Variants in C5AR1 observed in about 807,000 individuals in gnomAD.
C5AR1 encodes complement C5a receptor 1, also known as C5a anaphylatoxin chemotactic receptor 1.
A neutral mutation model predicts 2.4 loss-of-function variants in C5AR1; 4 were observed. The observed-to-expected ratio is 1.65, with a 90% CI of 0.81 to 3.77. The LOEUF (loss-of-function observed/expected upper bound fraction) is 3.77. Ranked by LOEUF, C5AR1 falls within the 30% of genes most tolerant of loss-of-function variation. The pLI is 0.01. For missense variants in C5AR1, 418 were observed against 462.5 expected (o/e 0.90, Z 0.88); for synonymous variants, 209 against 210.4 (o/e 0.99, Z 0.06).
In C5AR1 at chr19:47,314,450, T is replaced by C. The variant is rs557043416; in HGVS notation, c.3+4552T>C. On this transcript the variant is annotated intron_variant, in intron 1 of 1. Coordinates refer to ENST00000355085, the MANE Select transcript of C5AR1 (RefSeq NM_001736.4). ...TTTGCTCTTGTTGCCCAGGCTGGAG[T>C]ATAGTGAAGCGATCTCGGCTCACTG... Among the ~76,000 whole-genome samples, 144 of 152,274 alleles carry C rather than the reference T, an allele frequency of 9.5e-4. 1 individual carries two copies. The highest frequency in any genetic ancestry group is 1.4e-3 in the Non-Finnish European group (94 of 68,022).
upstream of C5AR1, chr19:47,309,842 C>T: frequency 1.2e-6 from 2 of 1,602,618 alleles, no homozygotes; most frequent in Non-Finnish European, 1.7e-6. Flanking sequence ...TTAAAAACCA[C>T]AGCCCTTGGG....
chr19:47,312,056 G>A (rs1372287028), intron 1 of C5AR1, among the ~76,000 whole-genome samples: 3 of 152,108 alleles, frequency 2.0e-5, no homozygotes, highest in East Asian at 1.9e-4. Flanking sequence ...AAATAGTTGC[G>A]GAGATCTGTC....
At chr19:47,316,103 T>C (rs1394595894) in intron 1 of C5AR1, among the ~76,000 whole-genome samples, 2 of 151,976 alleles carry the variant, frequency 1.3e-5, no homozygotes, top group Admixed American at 6.6e-5. Context: ...CCTCCCAGGT[T>C]CAAGCGATTC....
rs2059303519 is a variant in C5AR1 at position 47,320,055 on chromosome 19, T to G, written c.278T>G (p.Phe93Cys). The G allele has an allele frequency of 6.2e-7, 1 of 1,614,076 alleles. No homozygotes were observed. Among genetic ancestry groups the G allele is most frequent in the Admixed American group, 1.7e-5 (1 of 60,006 alleles). ...FLSCLALPILFTSIVQHHHWP... is the reference protein window; with the variant it reads ...FLSCLALPILCTSIVQHHHWP... ...TCCTGCCTGGCGCTGCCCATCTTGT[T>G]CACGTCCATTGTACAGCATCACCAC... The change falls in exon 2 of 2, where the codon TTC becomes TGC. Residue 93 changes from phenylalanine to cysteine, a missense_variant. Transcript: ENST00000355085. The surrounding 1 kb of genome is among the most constrained non-coding windows in gnomAD (Gnocchi z 4.9).
At chr19:47,313,744 TAAAA>T (rs556770085) in intron 1 of C5AR1, among the ~76,000 whole-genome samples, 1 of 137,956 alleles carries the variant, frequency 7.2e-6, no homozygotes, top group Non-Finnish European at 1.6e-5. Flanking sequence ...TTCCGTCTCA[TAAAA>T]AAAAAAAAGA....
intron 1 of C5AR1, among the ~76,000 whole-genome samples, chr19:47,312,737 C>T (rs932165201): frequency 1.3e-5 from 2 of 151,916 alleles, no homozygotes; most frequent in African/African-American, 2.4e-5. Flanking sequence ...CCTCCTCCTC[C>T]TCCTTTTTTT....
chr19:47,318,062 A>G (rs1311851480), intron 1 of C5AR1, among the ~76,000 whole-genome samples: 1 of 151,568 alleles, frequency 6.6e-6, no homozygotes. Flanking sequence ...TATTTCCAGA[A>G]TGATTTCTAT....
intron 1 of C5AR1, among the ~76,000 whole-genome samples, chr19:47,318,314 G>T (rs1428486812): frequency 2.7e-5 from 4 of 149,504 alleles, no homozygotes; most frequent in African/African-American, 9.9e-5. Context: ...TTTTTTTTGA[G>T]GTGGAGTCTC....
In C5AR1 at chr19:47,320,444, A is replaced by G; in HGVS notation, c.667A>G (p.Thr223Ala). 1.2e-6 allele frequency: 2 copies of G among 1,611,798 alleles called. No individual in the cohort carries two copies. The highest frequency in any genetic ancestry group is 1.7e-6 in the Non-Finnish European group (2 of 1,179,910). Residue 223 changes from threonine to alanine, a missense_variant, in exon 2 of 2, where the codon ACT (threonine) becomes GCT (alanine). Transcript: ENST00000355085. The surrounding 1 kb of genome is among the most constrained non-coding windows in gnomAD (Gnocchi z 4.9). ...WPLLTLTICYTFILLRTWSRR... is the reference protein window; with the variant it reads ...WPLLTLTICYAFILLRTWSRR... ...TCTACTCACGCTCACGATTTGTTAC[A>G]CTTTCATCCTGCTCCGGACGTGGAG...
chr19:47,318,587 C>T (rs1344113103), intron 1 of C5AR1, among the ~76,000 whole-genome samples: 1 of 152,138 alleles, frequency 6.6e-6, no homozygotes, highest in East Asian at 1.9e-4. Context: ...CACCACCACA[C>T]CTGGCCTGAA....
chr19:47,316,816 C>T (rs1481361584), intron 1 of C5AR1, among the ~76,000 whole-genome samples: 2 of 151,704 alleles, frequency 1.3e-5, no homozygotes, highest in African/African-American at 4.8e-5. Context: ...ATGATTCCAC[C>T]AGTAAATGCC....
At chr19:47,315,888 T>C (rs1003209554) in intron 1 of C5AR1, among the ~76,000 whole-genome samples, 11 of 152,102 alleles carry the variant, frequency 7.2e-5, no homozygotes, top group African/African-American at 2.7e-4. Flanking sequence ...CTCATATACA[T>C]ATACATTTTA....
Position 47,320,585 on chromosome 19 carries a change from C to G in C5AR1, c.808C>G (p.Pro270Ala). The stretch of plus-strand genomic sequence containing the variant: ...GGGGATAATGATGTCCTTCCTGGAG[C>G]CATCGTCACCCACCTTCCTGCTGCT... ...VTGIMMSFLEPSSPTFLLLKK... is the reference protein window; with the variant it reads ...VTGIMMSFLEASSPTFLLLKK... Residue 270 changes from proline (P) to alanine (A), a missense_variant, in exon 2 of 2, where the codon CCA (proline) becomes GCA (alanine). Pro to Ala is a conservative substitution (Grantham distance 27, BLOSUM62 -1). Transcript: ENST00000355085. This position sits in a 1 kb window ranked among gnomAD's most constrained non-coding sequence, Gnocchi z 4.9. The G allele has an allele frequency of 6.2e-7, 1 of 1,614,032 alleles. No homozygotes were observed. The highest frequency in any genetic ancestry group is 1.1e-5 in the South Asian group (1 of 91,076).
Position 47,309,878 on chromosome 19 carries a change from A to G in C5AR1, c.-18A>G. 1.2e-6 allele frequency: 2 copies of G among 1,612,222 alleles called. No individual in the cohort carries two copies. Among genetic ancestry groups the G allele is most frequent in the Non-Finnish European group, 1.7e-6 (2 of 1,179,074 alleles). On this transcript the variant is annotated 5_prime_UTR_variant, in exon 1 of 2. Transcript: ENST00000355085. ...CAGGAGGGACCTTCGATCCTCGGGG[A>G]GCCCAGGAGACCAGAACATGGTGAG...
rs901825448 is a variant in C5AR1, at chr19:47,321,893, C to T, written c.*1063C>T. The T allele has an allele frequency of 2.6e-5, 4 of 152,068 alleles. No individual in the cohort carries two copies. The highest frequency in any genetic ancestry group is 3.2e-3 in the Middle Eastern group (1 of 316). The allele number at this position is 152,068 out of a possible 1,614,324, so 9.4% of individuals were successfully genotyped here. A position where few individuals can be genotyped will look rare whatever the true frequency, so the allele number is the denominator to read the frequency against. Reference sequence around the variant, plus strand: ...CCCAGGATGCCCACTTCCCTCCACCCCCACACCCCAGCCGTGTCCCTAACC... The same window carrying T: ...CCCAGGATGCCCACTTCCCTCCACCTCCACACCCCAGCCGTGTCCCTAACC... On this transcript the variant is annotated 3_prime_UTR_variant, in exon 2 of 2. Transcript: ENST00000355085.
chr19:47,313,584 TA>T (rs2059277354), intron 1 of C5AR1, among the ~76,000 whole-genome samples: 2 of 151,774 alleles, frequency 1.3e-5, no homozygotes, highest in Admixed American at 6.6e-5. Context: ...CTGTCTCTAC[TA>T]AAAATAAAAT....
Position 47,319,784 on chromosome 19 carries a change from T to C in C5AR1, c.7T>C (p.Ser3Pro). The change falls in exon 2 of 2, where the codon TCC (serine) becomes CCC (proline). Residue 3 changes from serine to proline, a missense_variant. Physicochemically the swap from Ser to Pro is moderately conservative, Grantham distance 74. Coordinates refer to ENST00000355085, the MANE Select transcript of C5AR1 (RefSeq NM_001736.4). Reference sequence around the variant, plus strand: ...TGCTCTCTCCGATTCCCCTTAGGACTCCTTCAATTATACCACCCCTGATTA... The same window carrying C: ...TGCTCTCTCCGATTCCCCTTAGGACCCCTTCAATTATACCACCCCTGATTA... MD[S>P]FNYTTPDYGH... 6.3e-7 allele frequency: 1 copy of C among 1,599,790 alleles called. No individual in the cohort carries two copies. The highest frequency in any genetic ancestry group is 8.6e-7 in the Non-Finnish European group (1 of 1,167,662).
chr19:47,311,598 C>T (rs1309458617), intron 1 of C5AR1, among the ~76,000 whole-genome samples: 3 of 152,082 alleles, frequency 2.0e-5, no homozygotes, highest in African/African-American at 7.2e-5. Context: ...GAGTTTCACT[C>T]TTGTCGCCCA....
rs199688998 is a variant in C5AR1 at position 47,321,352 on chromosome 19, T to C, written c.*522T>C. ...GGCTGAGAGCAGTGGCTCACGCCTG[T>C]AATCCCAGAACTTTGGGAGGCTAAG... On this transcript the variant is annotated 3_prime_UTR_variant, in exon 2 of 2. Transcript: ENST00000355085. The C allele has an allele frequency of 5.2e-5, 8 of 152,596 alleles. No homozygotes were observed. The highest frequency in any genetic ancestry group is 1.9e-4 in the African/African-American group (8 of 41,566). The allele number at this position is 152,596 out of a possible 1,614,324, so 9.5% of individuals were successfully genotyped here. A position where few individuals can be genotyped will look rare whatever the true frequency, so the allele number is the denominator to read the frequency against.
Sources: allele counts gnomAD v4.1 joint callset (sites outside exome capture counted in the v4.1 genomes callset), GRCh38; gene constraint gnomAD v4.1.1; non-coding constraint Gnocchi (gnomAD v3.1); transcripts MANE v1.5; gene names NCBI Gene and HGNC (gene_info 2026-07-23, HGNC 2026-07-21).